Variants in ZDHHC14 observed in about 807,000 individuals in gnomAD.
ZDHHC14 encodes the protein palmitoyltransferase ZDHHC14.
In ZDHHC14, 16 loss-of-function variants were observed where a neutral mutation model predicts 47.7. The ratio of observed to expected loss-of-function variants is 0.34; its 90% CI spans 0.23 to 0.51. ZDHHC14 has a LOEUF of 0.51. ZDHHC14 is among the 20% of genes least tolerant of loss of function. The probability of loss-of-function intolerance (pLI) is 0.97; values close to 1 mark genes in which losing one functional copy is unlikely to be tolerated. For synonymous variants in ZDHHC14, 293 were observed against 278.9 expected (o/e 1.05, Z -0.50); for missense variants, 515 against 662.5 (o/e 0.78, Z 2.44).
Position 157,675,626 on chromosome 6 carries a change from G to A in ZDHHC14, c.*2504G>A, listed in dbSNP as rs1425841208. 1 of 152,236 alleles carries A rather than the reference G, an allele frequency of 6.6e-6. No homozygotes were observed. Among genetic ancestry groups the A allele is most frequent in the African/African-American group, 2.4e-5 (1 of 41,466 alleles). The allele number at this position is 152,236 out of a possible 1,614,324, so 9.4% of individuals were successfully genotyped here. A position where few individuals can be genotyped will look rare whatever the true frequency, so the allele number is the denominator to read the frequency against. Reference sequence around the variant, plus strand: ...CTTGAAAAAGAAACCCAGCATCAGAGGAATGAGCGATGATGCCCCCTGGGG... The same window carrying A: ...CTTGAAAAAGAAACCCAGCATCAGAAGAATGAGCGATGATGCCCCCTGGGG... On this transcript the variant is annotated 3_prime_UTR_variant, in exon 9 of 9. Transcript: ENST00000359775.
rs567726715 is a variant in ZDHHC14 at position 157,636,052 on chromosome 6, C to T, written c.752+3170C>T. 4.1e-4 allele frequency among the ~76,000 whole-genome samples: 63 copies of T among 152,290 alleles called. 1 individual carries two copies. Among genetic ancestry groups the T allele is most frequent in the African/African-American group, 1.3e-3 (53 of 41,566 alleles). On this transcript the variant is annotated intron_variant, in intron 5 of 8. Coordinates refer to ENST00000359775, the MANE Select transcript of ZDHHC14 (RefSeq NM_024630.3). The stretch of plus-strand genomic sequence containing the variant: ...CCTCCACACTCAGGGGCAGGGCAGC[C>T]ACAGCCTGCTGACCGCATGCAGGTC...
chr6:157,520,955 T>G (rs1253743175), intron 1 of ZDHHC14, among the ~76,000 whole-genome samples: 1 of 152,200 alleles, frequency 6.6e-6, no homozygotes, highest in Non-Finnish European at 1.5e-5. Context: ...GGGATTTGAA[T>G]TTTTGCACAT....
intron 1 of ZDHHC14, among the ~76,000 whole-genome samples, chr6:157,421,627 A>G (rs557862694): frequency 3.3e-5 from 5 of 150,722 alleles, no homozygotes; most frequent in Non-Finnish European, 7.4e-5. Flanking sequence ...TTCTTTTTTG[A>G]GACAGAGTCT....
At chr6:157,507,272 A>C (rs1300539655) in intron 1 of ZDHHC14, among the ~76,000 whole-genome samples, 1 of 143,740 alleles carries the variant, frequency 7.0e-6, no homozygotes, top group Admixed American at 7.4e-5. Context: ...ATAACATTTT[A>C]TATTTCCTGA....
At chr6:157,621,982 G>A (rs1785209339) in intron 3 of ZDHHC14, among the ~76,000 whole-genome samples, 1 of 152,134 alleles carries the variant, frequency 6.6e-6, no homozygotes, top group African/African-American at 2.4e-5. Flanking sequence ...TGTCAGATAT[G>A]GATTATAGCG....
At chr6:157,657,938 C>T (rs2114998741) in intron 8 of ZDHHC14, among the ~76,000 whole-genome samples, 1 of 152,334 alleles carries the variant, frequency 6.6e-6, no homozygotes, top group African/African-American at 2.4e-5. Flanking sequence ...GTTGCTTAAC[C>T]TCTCTCTGCC....
chr6:157,592,725 A>C (rs1365626447), intron 2 of ZDHHC14: 11 of 1,219,090 alleles, frequency 9.0e-6, no homozygotes, highest in Non-Finnish European at 1.1e-5. Context: ...CTCCACAGGG[A>C]GGGCCTGGCT....
intron 1 of ZDHHC14, among the ~76,000 whole-genome samples, chr6:157,416,972 G>GTTTTTTGTTTT: frequency 2.2e-5 from 1 of 45,558 alleles, no homozygotes; most frequent in African/African-American, 1.1e-4. Flanking sequence ...TGCCTGGCTA[G>GTTTTTTGTTTT]TTTTTTTTTT....
intron 1 of ZDHHC14, among the ~76,000 whole-genome samples, chr6:157,488,820 A>G (rs112180617): frequency 4.6e-5 from 7 of 152,210 alleles, no homozygotes; most frequent in Non-Finnish European, 1.0e-4. Flanking sequence ...TGCCAGGCGC[A>G]GGGCACCCCG....
chr6:157,466,551 T>G (rs1779221427), intron 1 of ZDHHC14, among the ~76,000 whole-genome samples: 1 of 152,174 alleles, frequency 6.6e-6, no homozygotes, highest in African/African-American at 2.4e-5. Context: ...TTCTTTTGTT[T>G]TTTTGGCCAG....
At chr6:157,566,978 G>A (rs1052962060) in intron 2 of ZDHHC14, among the ~76,000 whole-genome samples, 1 of 151,776 alleles carries the variant, frequency 6.6e-6, no homozygotes, top group Non-Finnish European at 1.5e-5. Context: ...AGCCTCCAGA[G>A]TAGCTGGGAT....
At position 157,672,941 on chromosome 6, in the gene ZDHHC14, G is replaced by A. The variant is rs763615512; in HGVS notation, c.1286G>A (p.Arg429Gln). The A allele has an allele frequency of 2.5e-5, 40 of 1,601,594 alleles. No homozygotes were observed. The East Asian group carries it at 2.7e-4, about 11-fold the overall frequency. The change falls in exon 9 of 9, where the codon CGG (arginine) becomes CAG (glutamine). Residue 429 changes from arginine (R) to glutamine (Q), a missense_variant. This residue lies in a region of ZDHHC14 where 221 missense variants were observed against 233.6 expected (regional missense o/e 0.95). Coordinates refer to ENST00000359775, the MANE Select transcript of ZDHHC14 (RefSeq NM_024630.3). ...GCCACGCTCGCGGACGTGATGCCCCGGAAAGATGAGCACATGGGCCACCAG... is the reference window on the plus strand; with the variant it reads ...GCCACGCTCGCGGACGTGATGCCCCAGAAAGATGAGCACATGGGCCACCAG... The part of the protein sequence containing the change: ...AEATLADVMP[R>Q]KDEHMGHQFL...
At chr6:157,415,427 T>C (rs1048692630) in intron 1 of ZDHHC14, among the ~76,000 whole-genome samples, 3 of 152,272 alleles carry the variant, frequency 2.0e-5, no homozygotes, top group South Asian at 4.1e-4. Context: ...CAAATGCTTA[T>C]TGAGGAAAGA....
intron 2 of ZDHHC14, among the ~76,000 whole-genome samples, chr6:157,573,051 G>A (rs772960134): frequency 1.3e-5 from 2 of 152,050 alleles, no homozygotes; most frequent in African/African-American, 4.8e-5. Flanking sequence ...CCAAGTCTGG[G>A]AAAAGCCCAA....
chr6:157,635,016 C>T (rs577696006), intron 5 of ZDHHC14, among the ~76,000 whole-genome samples: 101 of 151,024 alleles, frequency 6.7e-4, no homozygotes, highest in African/African-American at 2.3e-3. Context: ...CCCCCTGAAA[C>T]GGAGTCTCAC....
chr6:157,471,055 G>C (rs567231614), intron 1 of ZDHHC14, among the ~76,000 whole-genome samples: 4 of 152,316 alleles, frequency 2.6e-5, no homozygotes, highest in African/African-American at 9.6e-5. Context: ...GAGGACCCGG[G>C]TTATGAGAAA....
intron 1 of ZDHHC14, among the ~76,000 whole-genome samples, chr6:157,434,372 G>A (rs938565107): frequency 2.6e-5 from 4 of 151,948 alleles, no homozygotes; most frequent in African/African-American, 9.7e-5. Context: ...AACACCCTTA[G>A]GAGCTGGGCC....
chr6:157,549,520 A>G (rs1402261005), intron 2 of ZDHHC14, among the ~76,000 whole-genome samples: 1 of 152,176 alleles, frequency 6.6e-6, no homozygotes, highest in Non-Finnish European at 1.5e-5. Flanking sequence ...CTAGAAAAAA[A>G]TGTAGCTTCC....
Position 157,586,490 on chromosome 6 carries a change from G to T in ZDHHC14, c.407-6498G>T, listed in dbSNP as rs1199258626. The stretch of plus-strand genomic sequence containing the variant: ...ATAGGCTCCATGGAAGATCGTGCAA[G>T]GAGAGAGAAGGTTCATGGATTGTGT... On this transcript the variant is annotated intron_variant, in intron 2 of 8. Coordinates refer to ENST00000359775, the MANE Select transcript of ZDHHC14 (RefSeq NM_024630.3). This position sits in a 1 kb window ranked among gnomAD's most constrained non-coding sequence, Gnocchi z 4.6. Among the ~76,000 whole-genome samples the T allele has an allele frequency of 1.3e-5, 2 of 152,206 alleles. No homozygotes were observed. Among genetic ancestry groups the T allele is most frequent in the Admixed American group, 1.3e-4 (2 of 15,282 alleles).
Sources: allele counts gnomAD v4.1 joint callset (sites outside exome capture counted in the v4.1 genomes callset), GRCh38; gene constraint gnomAD v4.1.1; regional missense constraint gnomAD v4.1.1; non-coding constraint Gnocchi (gnomAD v3.1); transcripts MANE v1.5; gene names NCBI Gene and HGNC (gene_info 2026-07-23, HGNC 2026-07-21).